Variants in LINGO2 observed in about 807,000 individuals in gnomAD.
The protein encoded by LINGO2 is leucine rich repeat and Ig domain containing 2.
LINGO2 carries 14 observed loss-of-function variants against 30.6 expected under a neutral mutation model. The observed-to-expected ratio is 0.46, with a 90% CI of 0.30 to 0.72. LINGO2 has a LOEUF of 0.72. Ranked by LOEUF, LINGO2 falls within the 30% of genes least tolerant of loss-of-function variation. The probability of loss-of-function intolerance (pLI) is 0.07; values close to 1 mark genes in which losing one functional copy is unlikely to be tolerated. For synonymous variants in LINGO2, 317 were observed against 288.5 expected (o/e 1.10, Z -1.00); for missense variants, 729 against 751.7 (o/e 0.97, Z 0.35).
the LINGO2 span, among the ~76,000 whole-genome samples, chr9:28,796,004 A>AC: frequency 6.6e-6 from 1 of 151,292 alleles, no homozygotes; most frequent in African/African-American, 2.4e-5. Flanking sequence ...ACACACACAC[A>AC]CACACACACA....
chr9:28,429,969 A>G (rs1483808276), intron 2 of LINGO2, among the ~76,000 whole-genome samples: 1 of 152,198 alleles, frequency 6.6e-6, no homozygotes, highest in Admixed American at 6.5e-5. Context: ...ATGAAGATGA[A>G]TTAGTTATGT....
chr9:28,999,554 A>G, the LINGO2 span, among the ~76,000 whole-genome samples: 3 of 152,170 alleles, frequency 2.0e-5, no homozygotes, highest in African/African-American at 7.2e-5. Context: ...TAATAACTTC[A>G]TATTATATGA....
chr9:28,046,025 C>T (rs1052764976), intron 4 of LINGO2, among the ~76,000 whole-genome samples: 1 of 152,136 alleles, frequency 6.6e-6, no homozygotes, highest in Non-Finnish European at 1.5e-5. Flanking sequence ...TGATCCATGC[C>T]TCCACTAGTG....
At chr9:28,700,792 T>C in the LINGO2 span, among the ~76,000 whole-genome samples, 1 of 152,092 alleles carries the variant, frequency 6.6e-6, no homozygotes, top group Non-Finnish European at 1.5e-5. Flanking sequence ...GTCCTGTCAC[T>C]CCACATCCTT....
chr9:28,526,691 C>T (rs1821052070), intron 1 of LINGO2, among the ~76,000 whole-genome samples: 1 of 152,102 alleles, frequency 6.6e-6, no homozygotes, highest in Non-Finnish European at 1.5e-5. Context: ...CAAATGGAAA[C>T]CCACCACTGT....
At position 28,594,850 on chromosome 9, in the gene LINGO2, A is replaced by C. The variant is rs1269911854; in HGVS notation, c.-365+75350T>G. Among the ~76,000 whole-genome samples, 8 of 152,104 alleles carry C rather than the reference A, an allele frequency of 5.3e-5. 1 individual carries two copies. In the East Asian group the frequency reaches 1.5e-3, roughly 29 times the overall value. ...TCCAAGTTAAAATCTGTATGAAAGA[A>C]TACTCCCCAAGACTGCTCTATTACT... On this transcript the variant is annotated intron_variant, in intron 1 of 5. Coordinates refer to ENST00000379992, the Ensembl canonical transcript of LINGO2.
At chr9:28,043,026 G>T (rs1389369055) in intron 4 of LINGO2, among the ~76,000 whole-genome samples, 2 of 152,180 alleles carry the variant, frequency 1.3e-5, no homozygotes, top group Admixed American at 6.5e-5. Context: ...TTCATGGTTT[G>T]AATAAAGACT....
intron 1 of LINGO2, among the ~76,000 whole-genome samples, chr9:28,509,013 A>G (rs931730996): frequency 5.9e-5 from 9 of 152,094 alleles, no homozygotes; most frequent in African/African-American, 2.2e-4. Flanking sequence ...GCCATTTCAT[A>G]TGGTAGGCCA....
intron 3 of LINGO2, among the ~76,000 whole-genome samples, chr9:28,366,948 T>C (rs1587550681): frequency 6.6e-6 from 1 of 152,136 alleles, no homozygotes; most frequent in South Asian, 2.1e-4. Context: ...CTGTATCTAA[T>C]GACACAGGTA....
At chr9:28,561,533 T>A (rs1057211222) in intron 1 of LINGO2, among the ~76,000 whole-genome samples, 1 of 143,990 alleles carries the variant, frequency 6.9e-6, no homozygotes, top group Middle Eastern at 3.3e-3. Context: ...ATATCTATGC[T>A]ACTTATACAT....
chr9:29,040,919 A>G, the LINGO2 span, among the ~76,000 whole-genome samples: 1 of 152,176 alleles, frequency 6.6e-6, no homozygotes, highest in African/African-American at 2.4e-5. Context: ...CTATGCACTG[A>G]GTCCATTAAT....
the LINGO2 span, among the ~76,000 whole-genome samples, chr9:29,076,628 AATAAAT>A: frequency 2.9e-5 from 4 of 139,666 alleles, no homozygotes; most frequent in Non-Finnish European, 6.2e-5. Flanking sequence ...ATAATAAATA[AATAAAT>A]ATATATATAT....
chr9:28,582,217 T>C (rs1587906613), intron 1 of LINGO2, among the ~76,000 whole-genome samples: 2 of 152,098 alleles, frequency 1.3e-5, no homozygotes, highest in Non-Finnish European at 2.9e-5. Context: ...GATAATTCCT[T>C]ATGGTCTCTC....
chr9:29,098,159 T>C, the LINGO2 span, among the ~76,000 whole-genome samples: 42 of 152,298 alleles, frequency 2.8e-4, no homozygotes, highest in African/African-American at 9.4e-4. Flanking sequence ...GGTAGTTAAA[T>C]ACTATAGAGT....
intron 5 of LINGO2, among the ~76,000 whole-genome samples, chr9:27,991,464 G>A (rs1331188519): frequency 6.6e-6 from 1 of 151,992 alleles, no homozygotes; most frequent in African/African-American, 2.4e-5. Flanking sequence ...TCAGAGGTTC[G>A]CCAGGGCTCT....
chr9:28,999,596 T>G, the LINGO2 span, among the ~76,000 whole-genome samples: 2 of 152,038 alleles, frequency 1.3e-5, no homozygotes, highest in Admixed American at 6.6e-5. Flanking sequence ...CTTCAAACTT[T>G]GTCATTTCTA....
At chr9:28,454,584 TTA>T (rs771885246) in intron 2 of LINGO2, among the ~76,000 whole-genome samples, 5 of 151,650 alleles carry the variant, frequency 3.3e-5, no homozygotes, top group African/African-American at 1.2e-4. Flanking sequence ...CATATACATA[TTA>T]TATATATATA....
At chr9:28,596,550 T>C (rs1825187046) in intron 1 of LINGO2, among the ~76,000 whole-genome samples, 1 of 152,184 alleles carries the variant, frequency 6.6e-6, no homozygotes, top group South Asian at 2.1e-4. Context: ...TTTTATCTAA[T>C]TGCTATATAG....
the LINGO2 span, among the ~76,000 whole-genome samples, chr9:28,899,950 T>C: frequency 0.89 from 135,859 of 152,222 alleles, 60,949 homozygotes; most frequent in Non-Finnish European, 0.94. Flanking sequence ...TGGTCCCCAA[T>C]GAAACAGACT....
Sources: gnomAD v4.1 joint callset for allele counts (sites outside exome capture counted in the v4.1 genomes callset) on GRCh38, gnomAD v4.1.1 for gene constraint, MANE v1.5 for transcripts, NCBI Gene and HGNC (gene_info 2026-07-23, HGNC 2026-07-21) for gene names.